Variants in PDE9A observed in about 807,000 individuals in gnomAD.
PDE9A encodes phosphodiesterase 9A, also known as high affinity cGMP-specific 3',5'-cyclic phosphodiesterase 9A.
A neutral mutation model predicts 87.4 loss-of-function variants in PDE9A; 60 were observed. That is an observed-to-expected ratio of 0.69 (90% CI 0.56 to 0.85). The LOEUF is 0.85. Among genes scored for constraint, PDE9A ranks in the 40% least tolerant of loss-of-function variants. The pLI, the probability that PDE9A is intolerant of heterozygous loss-of-function variation, is 0.00. For synonymous variants in PDE9A, 272 were observed against 279.4 expected (o/e 0.97, Z 0.27); for missense variants, 665 against 779.0 (o/e 0.85, Z 1.74).
intron 13 of PDE9A, 41 bp from the exon 14 acceptor site, chr21:42,762,042 A>G (rs750444086): frequency 6.4e-5 from 101 of 1,590,476 alleles, no homozygotes; most frequent in Non-Finnish European, 7.5e-5. Context: ...GTACCTGGTG[A>G]GGGCGCCTGA....
intron 19 of PDE9A, among the ~76,000 whole-genome samples, chr21:42,774,082 A>G (rs2057304635): frequency 6.6e-6 from 1 of 152,182 alleles, no homozygotes; most frequent in East Asian, 1.9e-4. Flanking sequence ...CTGTCTCAAA[A>G]AAAATATAAA....
In PDE9A at chr21:42,715,681, T is replaced by C. The variant is rs547924126; in HGVS notation, c.263-16089T>C. ...TCAGTGAACCAACATTGACATATCC[T>C]TATCAGCCAAAGTCTATATTCCACC... On this transcript the variant is annotated intron_variant, in intron 4 of 19. Transcript: ENST00000291539. Among the ~76,000 whole-genome samples, 127 of 151,848 alleles carry C rather than the reference T, an allele frequency of 8.4e-4. 1 individual carries two copies. Among genetic ancestry groups the C allele is most frequent in the African/African-American group, 2.9e-3 (121 of 41,538 alleles).
intron 1 of PDE9A, among the ~76,000 whole-genome samples, chr21:42,676,154 C>T (rs190608236): frequency 6.6e-6 from 1 of 152,294 alleles, no homozygotes; most frequent in African/African-American, 2.4e-5. Flanking sequence ...CCAGTGATGT[C>T]GGTGCCATGC....
intron 17 of PDE9A, among the ~76,000 whole-genome samples, chr21:42,769,610 ATG>A (rs1438802834): frequency 1.3e-3 from 190 of 142,130 alleles, no homozygotes; most frequent in Middle Eastern, 4.2e-3. Context: ...ACAAATGCAC[ATG>A]CAGGTACACA....
chr21:42,684,321 G>A (rs753684544), intron 1 of PDE9A, among the ~76,000 whole-genome samples: 19 of 152,190 alleles, frequency 1.2e-4, no homozygotes, highest in South Asian at 2.1e-4. Flanking sequence ...CCGCCACACC[G>A]GAAGGAAGTG....
At chr21:42,767,004 G>A (rs1229188437) in intron 15 of PDE9A, among the ~76,000 whole-genome samples, 2 of 151,974 alleles carry the variant, frequency 1.3e-5, no homozygotes, top group African/African-American at 2.4e-5. Context: ...GTGCAGACCA[G>A]AGGCAAAGCG....
At position 42,760,373 on chromosome 21, in the gene PDE9A, C is replaced by A; in HGVS notation, c.943C>A (p.Arg315=). The A allele has an allele frequency of 1.2e-6, 2 of 1,610,362 alleles. No homozygotes were observed. Among genetic ancestry groups the A allele is most frequent in the Non-Finnish European group, 1.7e-6 (2 of 1,179,530 alleles). The change falls in exon 12 of 20, where the codon CGG becomes AGG. Residue 315 remains arginine (R), a synonymous_variant. Coordinates refer to ENST00000291539, the MANE Select transcript of PDE9A (RefSeq NM_002606.3). The surrounding 1 kb of genome is among the most constrained non-coding windows in gnomAD (Gnocchi z 5.2). ...NYRNNPFHNF[R]HCFCVAQMMY... ...CAGAAACAACCCCTTCCACAACTTC[C>A]GGCACTGCTTCTGCGTGGCCCAGAT...
intron 1 of PDE9A, among the ~76,000 whole-genome samples, chr21:42,684,495 G>T (rs978981311): frequency 6.6e-6 from 1 of 152,266 alleles, no homozygotes; most frequent in South Asian, 2.1e-4. Flanking sequence ...TGGTAGAAGT[G>T]AGGGCCTGGC....
intron 14 of PDE9A, among the ~76,000 whole-genome samples, chr21:42,762,884 G>A (rs1001181164): frequency 2.0e-5 from 3 of 152,014 alleles, no homozygotes; most frequent in Admixed American, 6.6e-5. Flanking sequence ...ATAGAGACGG[G>A]GTTTCATCAT....
At chr21:42,750,187 G>T (rs1311280203) in intron 8 of PDE9A, among the ~76,000 whole-genome samples, 1 of 152,166 alleles carries the variant, frequency 6.6e-6, no homozygotes, top group East Asian at 1.9e-4. Context: ...GGGGCGGGGT[G>T]CAGTGACTCA....
Position 42,769,128 on chromosome 21 carries a change from G to A in PDE9A, c.1563G>A (p.Leu521=), listed in dbSNP as rs200723592. 144 of 1,613,546 alleles carry A rather than the reference G, an allele frequency of 8.9e-5. No individual in the cohort carries two copies. Among genetic ancestry groups the A allele is most frequent in the Admixed American group, 1.2e-4 (7 of 59,948 alleles). The change falls in exon 17 of 20, where the codon CTG becomes CTA. Residue 521 remains leucine, a synonymous_variant. Transcript: ENST00000291539. ...AGATTGGGTTCATCAAGTTTGTCCT[G>A]ATCCCAATGTTTGAAACAGTGACCA... The part of the protein sequence containing the change: ...TAQIGFIKFV[L]IPMFETVTKL...
Position 42,760,963 on chromosome 21 carries a change from G to A in PDE9A, c.1085+56G>A. On this transcript the variant is annotated intron_variant, in intron 13 of 19. Transcript: ENST00000291539. This position sits in a 1 kb window ranked among gnomAD's most constrained non-coding sequence, Gnocchi z 5.2. ...TTAAAAGGCACCCTGGCTACTGGAG[G>A]GAACCTGTCAGCCCAACCCTCAGAG... The A allele has an allele frequency of 8.7e-7, 1 of 1,153,058 alleles. No individual in the cohort carries two copies. The highest frequency in any genetic ancestry group is 1.3e-6 in the Non-Finnish European group (1 of 761,686). 71.4% of individuals were successfully genotyped at this position (1,153,058 alleles called of 1,614,324 possible).
chr21:42,759,130 C>A lies in PDE9A; in HGVS notation c.897+45C>A. The A allele has an allele frequency of 7.2e-7, 1 of 1,392,780 alleles. No homozygotes were observed. Among genetic ancestry groups the A allele is most frequent in the Non-Finnish European group, 1.0e-6 (1 of 979,938 alleles). 86.3% of individuals were successfully genotyped at this position (1,392,780 alleles called of 1,614,324 possible). A position where few individuals can be genotyped will look rare whatever the true frequency, so the allele number is the denominator to read the frequency against. On this transcript the variant is annotated intron_variant, in intron 11 of 19. Coordinates refer to ENST00000291539, the MANE Select transcript of PDE9A (RefSeq NM_002606.3). This position sits in a 1 kb window ranked among gnomAD's most constrained non-coding sequence, Gnocchi z 7.2. The stretch of plus-strand genomic sequence containing the variant: ...TCGGTTCTTCCTGGGCACGTGGTTT[C>A]ATCCAGTTCCACAGGAATGGAGGGA...
In PDE9A at chr21:42,699,023, C is replaced by G. The variant is rs200650037; in HGVS notation, c.262+12C>G. 1.2e-5 allele frequency: 19 copies of G among 1,597,232 alleles called. No homozygotes were observed. Among genetic ancestry groups the G allele is most frequent in the Non-Finnish European group, 1.6e-5 (19 of 1,164,856 alleles). Reference sequence around the variant, plus strand: ...CAAGCAACTCTCCGGTAAGGCCCTGCTGTCGTTTTTTAAACTAAAAGAAGG... The same window carrying G: ...CAAGCAACTCTCCGGTAAGGCCCTGGTGTCGTTTTTTAAACTAAAAGAAGG... On this transcript the variant is annotated intron_variant, in intron 4 of 19. Coordinates refer to ENST00000291539, the MANE Select transcript of PDE9A (RefSeq NM_002606.3).
intron 4 of PDE9A, among the ~76,000 whole-genome samples, chr21:42,714,148 A>G (rs1374879282): frequency 6.6e-6 from 1 of 150,778 alleles, no homozygotes; most frequent in Non-Finnish European, 1.5e-5. Context: ...CCTCCCAAGT[A>G]GCTGGGACTA....
At chr21:42,726,624 A>ATATATATATATATATATTTTTTTTTT in intron 4 of PDE9A, among the ~76,000 whole-genome samples, 3 of 19,780 alleles carry the variant, frequency 1.5e-4, no homozygotes, top group African/African-American at 6.8e-4. Context: ...ATATATATAT[A>ATATATATATATATATATTTTTTTTTT]TTTTTTTTTT....
rs567599971 is a variant in PDE9A, at chr21:42,773,750, A to G, written c.1768+1230A>G. Among the ~76,000 whole-genome samples the G allele has an allele frequency of 7.5e-4, 109 of 145,930 alleles. 1 individual carries two copies. The highest frequency in any genetic ancestry group is 1.3e-3 in the Non-Finnish European group (85 of 65,170). ...CAGGAGGCGGAGATTGCCGTGAGCC[A>G]AGATCGCGCCACTGCACTCCAGCCT... On this transcript the variant is annotated intron_variant, in intron 19 of 19. Transcript: ENST00000291539.
chr21:42,742,537 C>T (rs1359873137), intron 7 of PDE9A, among the ~76,000 whole-genome samples: 1 of 142,724 alleles, frequency 7.0e-6, no homozygotes, highest in East Asian at 2.2e-4. Flanking sequence ...GTGATCTCGG[C>T]TCACTGCAAC....
chr21:42,766,041 G>A (rs2056366763), intron 15 of PDE9A, among the ~76,000 whole-genome samples: 1 of 152,202 alleles, frequency 6.6e-6, no homozygotes, highest in African/African-American at 2.4e-5. Flanking sequence ...GCACACCAAG[G>A]CACACAAGGA....
Sources: gnomAD v4.1 joint callset for allele counts (sites outside exome capture counted in the v4.1 genomes callset) on GRCh38, gnomAD v4.1.1 for gene constraint, Gnocchi (gnomAD v3.1) non-coding constraint, MANE v1.5 for transcripts, NCBI Gene and HGNC (gene_info 2026-07-23, HGNC 2026-07-21) for gene names.